The following MAEA variants were observed in gnomAD, a reference collection of about 807,000 sequenced individuals.
The protein encoded by MAEA is E3 ubiquitin-protein transferase MAEA.
MAEA carries 22 observed loss-of-function variants against 46.2 expected under a neutral mutation model. The ratio of observed to expected loss-of-function variants is 0.48; its 90% confidence interval spans 0.34 to 0.68. MAEA has a LOEUF of 0.68. Ranked by LOEUF, MAEA falls within the 30% of genes least tolerant of loss-of-function variation. MAEA has a pLI of 0.01. For synonymous variants in MAEA, 246 were observed against 222.6 expected (o/e 1.11, Z -0.94); for missense variants, 393 against 558.1 (o/e 0.70, Z 2.98).
At chr4:1,328,660 GA>G (rs1408691483) in intron 5 of MAEA, 1 of 1,279,456 alleles carries the variant, frequency 7.8e-7, no homozygotes, top group Non-Finnish European at 1.0e-6. Flanking sequence ...GTGTTCCACA[GA>G]AGGCCCATTT....
At chr4:1,290,826 G>T (rs1734033404) in intron 1 of MAEA, among the ~76,000 whole-genome samples, 1 of 152,186 alleles carries the variant, frequency 6.6e-6, no homozygotes. Flanking sequence ...GTTGCTGTGC[G>T]TTCCCCCAGC....
At chr4:1,297,182 C>T (rs2108860905) in intron 1 of MAEA, among the ~76,000 whole-genome samples, 1 of 152,380 alleles carries the variant, frequency 6.6e-6, no homozygotes, top group African/African-American at 2.4e-5. Context: ...AGTCAGTTGA[C>T]AGCGATGTCC....
At chr4:1,332,947 G>A (rs1166046969) in intron 6 of MAEA, 82 bp downstream of exon 6, 14 of 1,076,386 alleles carry the variant, frequency 1.3e-5, no homozygotes, top group Middle Eastern at 2.6e-4. Context: ...GCTTCCACAC[G>A]TGGGGCGGGA....
chr4:1,322,374 C>T lies in MAEA; in HGVS notation c.457-7C>T, dbSNP rs1560367915. 1 of 1,613,782 alleles carries T rather than the reference C, an allele frequency of 6.2e-7. No homozygotes were observed. Among genetic ancestry groups the T allele is most frequent in the Non-Finnish European group, 8.5e-7 (1 of 1,179,856 alleles). On this transcript the variant is annotated splice_region_variant and splice_polypyrimidine_tract_variant and intron_variant, in intron 3 of 8. Coordinates refer to ENST00000303400, the MANE Select transcript of MAEA (RefSeq NM_001017405.3). ...ATTCTGATCAGGTGCTGCTTCCTTC[C>T]TCTAAGGACCTAGTGAATATTGAGA...
At chr4:1,309,984 C>A (rs926904093) in intron 1 of MAEA, 22 of 1,244,310 alleles carry the variant, frequency 1.8e-5, no homozygotes, top group Non-Finnish European at 1.9e-5. Flanking sequence ...TGGTGGCGGT[C>A]TGGAATGTGC....
intron 4 of MAEA, among the ~76,000 whole-genome samples, chr4:1,325,541 G>A (rs1452149404): frequency 1.3e-5 from 2 of 152,200 alleles, no homozygotes; most frequent in African/African-American, 4.8e-5. Context: ...TGTGTGAAGC[G>A]GTAACCTAGA....
chr4:1,309,517 G>A, intron 1 of MAEA: 1 of 1,357,582 alleles, frequency 7.4e-7, no homozygotes, highest in South Asian at 1.7e-5. Flanking sequence ...GCTGGAGGGA[G>A]AGGGGGTGCT....
intron 1 of MAEA, among the ~76,000 whole-genome samples, chr4:1,295,158 G>A (rs917848946): frequency 2.6e-5 from 4 of 152,088 alleles, no homozygotes; most frequent in Non-Finnish European, 5.9e-5. Context: ...TGACTGCCCC[G>A]TCTGCAGAGA....
chr4:1,313,972 T>G (rs1736829425), intron 2 of MAEA, among the ~76,000 whole-genome samples: 1 of 151,886 alleles, frequency 6.6e-6, no homozygotes, highest in African/African-American at 2.4e-5. Flanking sequence ...AGGTCGAGGT[T>G]GTAGTGAGCA....
intron 1 of MAEA, chr4:1,298,203 G>A (rs911273661): frequency 3.0e-5 from 12 of 399,884 alleles, no homozygotes; most frequent in Admixed American, 2.4e-4. Flanking sequence ...CCTGTCTGTC[G>A]CCTGCCTGCT....
chr4:1,299,540 A>T (rs6814328), intron 1 of MAEA: 23,478 of 152,702 alleles, frequency 0.15, 3,486 homozygotes, highest in East Asian at 0.42. Flanking sequence ...GAGTTTCCTG[A>T]CCTGGGGATG....
chr4:1,338,503 C>T lies in MAEA; in HGVS notation c.981C>T (p.Pro327=), dbSNP rs759649458. Residue 327 remains proline, a synonymous_variant, in exon 8 of 9, where the codon CCC becomes CCT. Transcript: ENST00000303400. ...GCTCCCTGAACAAGCTGGCGCAGCCCCTGCCCATGGCCCACTGTGCCAACT... is the reference window on the plus strand; with the variant it reads ...GCTCCCTGAACAAGCTGGCGCAGCCTCTGCCCATGGCCCACTGTGCCAACT... ...CSRSLNKLAQ[P]LPMAHCANSR... 6.2e-6 allele frequency: 10 copies of T among 1,613,212 alleles called. No individual in the cohort carries two copies. The Admixed American group carries it at 1.7e-4, about 27-fold the overall frequency.
intron 1 of MAEA, among the ~76,000 whole-genome samples, chr4:1,310,683 T>C (rs1212491974): frequency 6.6e-6 from 1 of 152,194 alleles, no homozygotes; most frequent in Non-Finnish European, 1.5e-5. Context: ...CGAGAGCGTG[T>C]GCACCCTGTC....
intron 5 of MAEA, chr4:1,331,397 C>T (rs1711790689): frequency 6.6e-6 from 1 of 152,254 alleles, no homozygotes; most frequent in Non-Finnish European, 1.5e-5. Context: ...GTGGACGCCC[C>T]CCACTCCCTG....
In MAEA at chr4:1,334,055, C is replaced by T. The variant is rs112282000; in HGVS notation, c.765+1190C>T. 7.6e-3 allele frequency among the ~76,000 whole-genome samples: 150 copies of T among 19,788 alleles called. 33 individuals carry two copies. Among genetic ancestry groups the T allele is most frequent in the Non-Finnish European group, 9.5e-3 (100 of 10,556 alleles). The allele number at this position is 19,788 out of a possible 152,430, so 13.0% of individuals were successfully genotyped here. ...CATGCCCACCATGTGCTCACCCCTG[C>T]ACCCACCCCCATGCCCGTGTGCTCA... On this transcript the variant is annotated intron_variant, in intron 6 of 8. Coordinates refer to ENST00000303400, the MANE Select transcript of MAEA (RefSeq NM_001017405.3).
Position 1,312,153 on chromosome 4 carries a change from A to C in MAEA, c.244A>C (p.Lys82Gln). The C allele has an allele frequency of 6.2e-7, 1 of 1,613,946 alleles. No homozygotes were observed. Residue 82 changes from lysine to glutamine, a missense_variant, in exon 2 of 9, where the codon AAG (lysine) becomes CAG (glutamine). Physicochemically the swap from Lys to Gln is moderately conservative, Grantham distance 53 (BLOSUM62 1). Around this residue, in one of 2 missense-constraint regions of MAEA, gnomAD observed 358 missense variants for 537.9 expected, o/e 0.67. Coordinates refer to ENST00000303400, the MANE Select transcript of MAEA (RefSeq NM_001017405.3). ...CGTGGTGGAGAAGCTCAGCGTCCTC[A>C]AGAGGAAGGTTGGTCCCGCCTGGCG... ...DGVVEKLSVL[K>Q]RKAVESIQAE...
intron 4 of MAEA, among the ~76,000 whole-genome samples, chr4:1,326,078 C>T (rs910465937): frequency 6.6e-6 from 1 of 152,210 alleles, no homozygotes; most frequent in Non-Finnish European, 1.5e-5. Flanking sequence ...CAGTCCTCCC[C>T]ACACCCACGC....
At position 1,336,806 on chromosome 4, in the gene MAEA, G is replaced by A. The variant is rs191607632; in HGVS notation, c.766-55G>A. The stretch of plus-strand genomic sequence containing the variant: ...TCACCATGGTCCACGTTTTTAAGCT[G>A]TCCCAGGAGCTTCCCTGGGAGCATC... On this transcript the variant is annotated intron_variant, in intron 6 of 8. Transcript: ENST00000303400. 3.8e-5 allele frequency: 60 copies of A among 1,568,384 alleles called. No homozygotes were observed. The East Asian group carries it at 1.2e-3, about 32-fold the overall frequency.
At chr4:1,325,167 C>A (rs1056290534) in intron 4 of MAEA, among the ~76,000 whole-genome samples, 5 of 152,124 alleles carry the variant, frequency 3.3e-5, no homozygotes, top group African/African-American at 4.8e-5. Context: ...TCTAACGGGT[C>A]CCTGGGACCA....
Sources: allele counts gnomAD v4.1 joint callset (sites outside exome capture counted in the v4.1 genomes callset), GRCh38; gene constraint gnomAD v4.1.1; regional missense constraint gnomAD v4.1.1; transcripts MANE v1.5; gene names NCBI Gene and HGNC (gene_info 2026-07-23, HGNC 2026-07-21).